The following TACR3 variants were observed in gnomAD, a reference collection of about 807,000 sequenced individuals.
TACR3 encodes neuromedin-K receptor.
Under a neutral mutation model 35.0 loss-of-function variants are expected in TACR3, and 34 were observed. The ratio of observed to expected loss-of-function variants is 0.97; its 90% CI spans 0.74 to 1.30. TACR3 has a LOEUF of 1.30. Ranked by LOEUF, TACR3 falls within the 50% of genes most tolerant of loss-of-function variation. The probability of loss-of-function intolerance (pLI) is 0.00; values close to 1 mark genes in which losing one functional copy is unlikely to be tolerated. For synonymous variants in TACR3, 233 were observed against 221.1 expected, an observed-to-expected ratio of 1.05 and a Z score of -0.48; for missense variants, 558 against 591.7, an observed-to-expected ratio of 0.94 and a Z score of 0.59.
At chr4:103,653,605 C>A (rs1434860868) in intron 3 of TACR3, among the ~76,000 whole-genome samples, 1 of 152,070 alleles carries the variant, frequency 6.6e-6, no homozygotes, top group Non-Finnish European at 1.5e-5. Context: ...TAGAAGAAAA[C>A]CTAGGCAATA....
At chr4:103,611,646 A>G (rs1350987418) in intron 3 of TACR3, among the ~76,000 whole-genome samples, 1 of 108,366 alleles carries the variant, frequency 9.2e-6, no homozygotes, top group African/African-American at 2.6e-5. Context: ...CTAGTAGACA[A>G]GCATTTCCTT....
intron 3 of TACR3, among the ~76,000 whole-genome samples, chr4:103,622,380 G>A (rs1578230563): frequency 1.3e-5 from 2 of 152,268 alleles, no homozygotes; most frequent in South Asian, 2.1e-4. Flanking sequence ...CTCTTGAGAA[G>A]GAAGTGCCAA....
intron 1 of TACR3, among the ~76,000 whole-genome samples, chr4:103,718,744 G>T (rs1014431357): frequency 6.6e-6 from 1 of 152,150 alleles, no homozygotes; most frequent in Admixed American, 6.5e-5. Context: ...GAGAAGGAAG[G>T]CCAAAAAGTG....
intron 1 of TACR3, among the ~76,000 whole-genome samples, chr4:103,695,841 T>C (rs1396347769): frequency 6.6e-6 from 1 of 152,100 alleles, no homozygotes; most frequent in Non-Finnish European, 1.5e-5. Flanking sequence ...CCAAGAATTC[T>C]ATCAGGAATG....
chr4:103,624,236 T>A (rs17033931), intron 3 of TACR3: 1 of 152,152 alleles, frequency 6.6e-6, no homozygotes, highest in South Asian at 2.1e-4. Flanking sequence ...GCATGTATGT[T>A]CCTTTAGGGT....
chr4:103,719,736 C>T lies in TACR3; in HGVS notation c.-61G>A. The stretch of plus-strand genomic sequence containing the variant: ...CCCACGGGCAGCCCAAGACGAGACT[C>T]CTCTGAAGTTCTTCTCTGCCTCCTG... On this transcript the variant is annotated 5_prime_UTR_variant, in exon 1 of 5. Coordinates refer to ENST00000304883, the MANE Select transcript of TACR3 (RefSeq NM_001059.3). 6.3e-7 allele frequency: 1 copy of T among 1,591,522 alleles called. No homozygotes were observed.
intron 1 of TACR3, among the ~76,000 whole-genome samples, chr4:103,700,697 G>A (rs947411829): frequency 2.0e-5 from 3 of 151,958 alleles, no homozygotes; most frequent in Non-Finnish European, 4.4e-5. Flanking sequence ...AAATGTTGCT[G>A]TACCAAGATC....
chr4:103,703,007 A>G (rs1722695292), intron 1 of TACR3, among the ~76,000 whole-genome samples: 1 of 152,060 alleles, frequency 6.6e-6, no homozygotes, highest in Non-Finnish European at 1.5e-5. Context: ...CATATGTAAC[A>G]AACCTGCGCG....
intron 1 of TACR3, among the ~76,000 whole-genome samples, chr4:103,715,838 T>A (rs1431221847): frequency 6.6e-6 from 1 of 152,182 alleles, no homozygotes; most frequent in Admixed American, 6.5e-5. Flanking sequence ...GTAATAACTG[T>A]TCTATTAATA....
At chr4:103,667,666 C>T (rs1380704280) in intron 1 of TACR3, among the ~76,000 whole-genome samples, 2 of 152,090 alleles carry the variant, frequency 1.3e-5, no homozygotes, top group East Asian at 1.9e-4. Context: ...AAAGACCACA[C>T]TTTACCACTT....
intron 3 of TACR3, among the ~76,000 whole-genome samples, chr4:103,633,920 G>T (rs987226114): frequency 1.8e-4 from 27 of 152,004 alleles, no homozygotes; most frequent in African/African-American, 6.5e-4. Context: ...AGAAGCTGAA[G>T]AAAGTACATA....
chr4:103,647,699 C>T (rs1560821027), intron 3 of TACR3, among the ~76,000 whole-genome samples: 1 of 151,870 alleles, frequency 6.6e-6, no homozygotes, highest in African/African-American at 2.4e-5. Flanking sequence ...TACTTGGCTA[C>T]ATTTAAGAGG....
chr4:103,646,048 CTG>C (rs746182574), intron 3 of TACR3, among the ~76,000 whole-genome samples: 1 of 151,948 alleles, frequency 6.6e-6, no homozygotes, highest in Admixed American at 6.6e-5. Flanking sequence ...ATTTAATAGT[CTG>C]TCTGTATCTA....
intron 1 of TACR3, among the ~76,000 whole-genome samples, chr4:103,679,425 C>T (rs1462838327): frequency 6.6e-6 from 1 of 151,984 alleles, no homozygotes; most frequent in Non-Finnish European, 1.5e-5. Context: ...ATCATCATAT[C>T]TGATTCCTAT....
chr4:103,654,633 A>C (rs1315789473), intron 3 of TACR3, among the ~76,000 whole-genome samples: 1 of 151,684 alleles, frequency 6.6e-6, no homozygotes, highest in Non-Finnish European at 1.5e-5. Context: ...CCAACGTGGC[A>C]CATGTATACA....
rs1027978545 is a variant in TACR3, at chr4:103,587,742, G to A, written c.*1940C>T. ...CTTTTTACATATTAGGCTTTTTCTT[G>A]ACACTTTAACATTGTATGATAAATA... is the stretch of plus-strand genomic sequence containing the variant. On this transcript the variant is annotated 3_prime_UTR_variant, in exon 5 of 5. Transcript: ENST00000304883. 1 of 151,884 alleles carries A rather than the reference G, an allele frequency of 6.6e-6. No homozygotes were observed. Among genetic ancestry groups the A allele is most frequent in the Admixed American group, 6.6e-5 (1 of 15,216 alleles). The allele number at this position is 151,884 out of a possible 1,614,324, so 9.4% of individuals were successfully genotyped here. A position where few individuals can be genotyped will look rare whatever the true frequency, so the allele number is the denominator to read the frequency against.
At chr4:103,637,345 T>C (rs1311412491) in intron 3 of TACR3, among the ~76,000 whole-genome samples, 1 of 152,150 alleles carries the variant, frequency 6.6e-6, no homozygotes, top group African/African-American at 2.4e-5. Context: ...AACCACGTGA[T>C]TATCTCAATA....
chr4:103,638,313 A>G (rs112635902), intron 3 of TACR3, among the ~76,000 whole-genome samples: 6,943 of 151,666 alleles, frequency 0.046, 185 homozygotes, highest in Middle Eastern at 0.055. Context: ...GATCTTTGAC[A>G]AACCTGACAA....
intron 1 of TACR3, among the ~76,000 whole-genome samples, chr4:103,700,805 G>C (rs945426831): frequency 6.6e-6 from 1 of 152,122 alleles, no homozygotes; most frequent in Non-Finnish European, 1.5e-5. Flanking sequence ...AAAAGCATAT[G>C]ATTATCTCAA....
Sources: allele counts gnomAD v4.1 joint callset (sites outside exome capture counted in the v4.1 genomes callset), GRCh38; gene constraint gnomAD v4.1.1; transcripts MANE v1.5; gene names NCBI Gene and HGNC (gene_info 2026-07-23, HGNC 2026-07-21).